LINGO2: variants seen among roughly 807,000 people sequenced by gnomAD.
LINGO2 encodes the protein leucine-rich repeat and immunoglobulin-like domain-containing nogo receptor-interacting protein 2.
Under a neutral mutation model 30.6 loss-of-function variants are expected in LINGO2, and 14 were observed. The ratio of observed to expected loss-of-function variants is 0.46; its 90% confidence interval spans 0.30 to 0.72. LINGO2 has a LOEUF of 0.72. Among genes scored for constraint, LINGO2 ranks in the 30% least tolerant of loss-of-function variants. The probability of loss-of-function intolerance (pLI) is 0.07; values close to 1 mark genes in which losing one functional copy is unlikely to be tolerated. For missense variants in LINGO2, 729 were observed against 751.7 expected (o/e 0.97, Z 0.35); for synonymous variants, 317 against 288.5 (o/e 1.10, Z -1.00).
chr9:27,993,728 T>C lies in LINGO2; in HGVS notation c.-36+18627A>G, dbSNP rs150718646. Reference sequence around the variant, plus strand: ...TAGTCTTCACTACTTTAATTATAATTGCTGAAAGAAAGGTAATCTTACATT... The same window carrying C: ...TAGTCTTCACTACTTTAATTATAATCGCTGAAAGAAAGGTAATCTTACATT... On this transcript the variant is annotated intron_variant, in intron 5 of 5. Transcript: ENST00000379992. 9.9e-5 allele frequency among the ~76,000 whole-genome samples: 15 copies of C among 152,254 alleles called. No individual in the cohort carries two copies. In the East Asian group the frequency reaches 2.3e-3, roughly 24 times the overall value.
chr9:28,561,106 A>G (rs1180559071), intron 1 of LINGO2, among the ~76,000 whole-genome samples: 1 of 152,064 alleles, frequency 6.6e-6, no homozygotes, highest in Admixed American at 6.6e-5. Context: ...AGAAGGAGGG[A>G]GGAGTACATG....
the LINGO2 span, among the ~76,000 whole-genome samples, chr9:29,069,456 T>C: frequency 3.3e-5 from 5 of 150,856 alleles, no homozygotes; most frequent in Non-Finnish European, 7.4e-5. Context: ...CAAAAAGTTG[T>C]ATGAAACACT....
At chr9:28,775,546 C>T in the LINGO2 span, among the ~76,000 whole-genome samples, 1 of 152,124 alleles carries the variant, frequency 6.6e-6, no homozygotes, top group Non-Finnish European at 1.5e-5. Context: ...GGAAAGAATA[C>T]ATATCTTTTT....
intron 1 of LINGO2, among the ~76,000 whole-genome samples, chr9:28,624,987 G>A (rs532905581): frequency 6.6e-6 from 1 of 152,014 alleles, no homozygotes; most frequent in South Asian, 2.1e-4. Flanking sequence ...CCCAGCTGGT[G>A]TCTCCCTAGA....
intron 3 of LINGO2, among the ~76,000 whole-genome samples, chr9:28,333,244 T>A (rs779233056): frequency 8.5e-5 from 13 of 152,224 alleles, no homozygotes; most frequent in Non-Finnish European, 1.9e-4. Flanking sequence ...GGGAACACAG[T>A]TGATTAAACA....
the LINGO2 span, among the ~76,000 whole-genome samples, chr9:29,001,961 T>C: frequency 6.6e-6 from 1 of 151,992 alleles, no homozygotes; most frequent in African/African-American, 2.4e-5. Flanking sequence ...TTTTCAAGTT[T>C]TTCCTAGGTT....
chr9:28,291,449 A>G (rs979695788), intron 4 of LINGO2, among the ~76,000 whole-genome samples: 2 of 152,220 alleles, frequency 1.3e-5, no homozygotes, highest in Non-Finnish European at 2.9e-5. Context: ...TCTAGGGAAC[A>G]GGGATAATGC....
chr9:28,744,430 CA>C, the LINGO2 span, among the ~76,000 whole-genome samples: 1 of 151,862 alleles, frequency 6.6e-6, no homozygotes, highest in Non-Finnish European at 1.5e-5. Context: ...AGTTTTTGTT[CA>C]AAACAAACTT....
chr9:28,324,978 T>C (rs1825174961), intron 3 of LINGO2, among the ~76,000 whole-genome samples: 1 of 152,124 alleles, frequency 6.6e-6, no homozygotes, highest in Admixed American at 6.6e-5. Context: ...GGTGTGACTA[T>C]GGAGCAGCAA....
chr9:29,161,737 T>G, the LINGO2 span, among the ~76,000 whole-genome samples: 1 of 152,132 alleles, frequency 6.6e-6, no homozygotes, highest in African/African-American at 2.4e-5. Context: ...ATACTAATCA[T>G]AGAAAACTAG....
chr9:28,715,040 G>A, the LINGO2 span, among the ~76,000 whole-genome samples: 1 of 152,116 alleles, frequency 6.6e-6, no homozygotes, highest in Non-Finnish European at 1.5e-5. Context: ...TTCTTAGAAT[G>A]TGAGTCGTAG....
Position 28,500,778 on chromosome 9 carries a change from A to G in LINGO2, c.-364-24753T>C, listed in dbSNP as rs115743532. 5.3e-3 allele frequency among the ~76,000 whole-genome samples: 814 copies of G among 152,242 alleles called. 10 individuals carry two copies. Among genetic ancestry groups the G allele is most frequent in the African/African-American group, 0.018 (756 of 41,560 alleles). ...AGAAAAATAAGATGGCTCCAAATAG[A>G]GAGGTGATCTCTGAGTACTGAGCAG... On this transcript the variant is annotated intron_variant, in intron 1 of 5. Transcript: ENST00000379992.
rs1824593292 is a variant in LINGO2, at chr9:28,450,124, T to A, written c.-279+25816A>T. Among the ~76,000 whole-genome samples the A allele has an allele frequency of 1.3e-5, 2 of 152,042 alleles. 1 individual carries two copies. Among genetic ancestry groups the A allele is most frequent in the South Asian group, 4.1e-4 (2 of 4,826 alleles). On this transcript the variant is annotated intron_variant, in intron 2 of 5. Coordinates refer to ENST00000379992, the Ensembl canonical transcript of LINGO2. ...TGACTGAAACACATCTGAACTTGTATACACTTTGAACATTGTTCTTTGGGC... is the reference window on the plus strand; with the variant it reads ...TGACTGAAACACATCTGAACTTGTAAACACTTTGAACATTGTTCTTTGGGC...
the LINGO2 span, among the ~76,000 whole-genome samples, chr9:28,795,111 G>A: frequency 6.6e-6 from 1 of 152,074 alleles, no homozygotes; most frequent in Non-Finnish European, 1.5e-5. Context: ...TGGGATTACA[G>A]GTGTGAGCCA....
At chr9:28,674,994 T>C (rs1829163390), upstream of LINGO2, among the ~76,000 whole-genome samples, 1 of 152,160 alleles carries the variant, frequency 6.6e-6, no homozygotes, top group Non-Finnish European at 1.5e-5. Flanking sequence ...TTTTGAATTG[T>C]TATATGTAAT....
the LINGO2 span, among the ~76,000 whole-genome samples, chr9:29,184,736 C>CCT: frequency 3.4e-5 from 5 of 149,072 alleles, no homozygotes; most frequent in South Asian, 2.2e-4. Flanking sequence ...CCTCTCCCTT[C>CCT]CTCTCTCTCT....
intron 2 of LINGO2, among the ~76,000 whole-genome samples, chr9:28,413,562 C>A (rs1822853372): frequency 6.6e-6 from 1 of 152,060 alleles, no homozygotes; most frequent in Non-Finnish European, 1.5e-5. Context: ...TAATTTTCTT[C>A]ATCTGAAGAA....
At chr9:28,956,972 C>T in the LINGO2 span, among the ~76,000 whole-genome samples, 1 of 151,780 alleles carries the variant, frequency 6.6e-6, no homozygotes, top group South Asian at 2.1e-4. Flanking sequence ...TGCCAAACTT[C>T]GTACTTGCTA....
intron 5 of LINGO2, among the ~76,000 whole-genome samples, chr9:28,009,522 A>G (rs894864907): frequency 5.3e-5 from 8 of 152,162 alleles, no homozygotes; most frequent in East Asian, 1.9e-4. Flanking sequence ...TTATGACTCA[A>G]TAAAATAACC....
Sources: allele counts gnomAD v4.1 joint callset (sites outside exome capture counted in the v4.1 genomes callset), GRCh38; gene constraint gnomAD v4.1.1; transcripts MANE v1.5; gene names NCBI Gene and HGNC (gene_info 2026-07-23, HGNC 2026-07-21).